LYRM4: variants seen among roughly 807,000 people sequenced by gnomAD.
LYRM4 encodes LYR motif-containing protein 4.
Under a neutral mutation model 11.7 loss-of-function variants are expected in LYRM4, and 9 were observed. The observed-to-expected ratio is 0.77, with a 90% CI of 0.46 to 1.34. LYRM4 has a LOEUF of 1.34. LYRM4 is among the 40% of genes most tolerant of loss of function. The probability of loss-of-function intolerance (pLI) is 0.00; values close to 1 mark genes in which losing one functional copy is unlikely to be tolerated. For missense variants in LYRM4, 133 were observed against 112.5 expected, an observed-to-expected ratio of 1.18 and a Z score of -0.82; for synonymous variants, 42 against 40.4, an observed-to-expected ratio of 1.04 and a Z score of -0.15.
At chr6:5,120,261 T>A (rs193056979) in intron 2 of LYRM4, among the ~76,000 whole-genome samples, 132 of 152,296 alleles carry the variant, frequency 8.7e-4, no homozygotes, top group African/African-American at 3.1e-3. Flanking sequence ...GTGGTTCTCA[T>A]CTCACAAGCT....
At chr6:5,239,593 G>A (rs1763751199) in intron 1 of LYRM4, among the ~76,000 whole-genome samples, 1 of 152,068 alleles carries the variant, frequency 6.6e-6, no homozygotes, top group African/African-American at 2.4e-5. Flanking sequence ...CCGCACGCTA[G>A]GGAAGGAAGA....
At chr6:5,046,075 G>A in the LYRM4 span, among the ~76,000 whole-genome samples, 4 of 152,156 alleles carry the variant, frequency 2.6e-5, no homozygotes, top group African/African-American at 4.8e-5. Flanking sequence ...TCCAGTGTAG[G>A]TTAGGAAATA....
At chr6:5,186,766 T>A in intron 2 of LYRM4, 1 of 745,582 alleles carries the variant, frequency 1.3e-6, no homozygotes, top group South Asian at 2.6e-5. Flanking sequence ...GGTGGATCAC[T>A]TGAGGTCAGG....
At chr6:5,154,774 G>C (rs541191093) in intron 2 of LYRM4, among the ~76,000 whole-genome samples, 12 of 152,146 alleles carry the variant, frequency 7.9e-5, no homozygotes, top group East Asian at 1.9e-4. Context: ...AGCCGGGATC[G>C]CGCCACTGCA....
the LYRM4 span, chr6:5,085,373 C>T: frequency 3.9e-6 from 3 of 760,418 alleles, no homozygotes; most frequent in Admixed American, 8.9e-5. Context: ...CGACTCGCCT[C>T]GGGGAGGGCG....
intron 2 of LYRM4, among the ~76,000 whole-genome samples, chr6:5,174,463 T>C (rs778086591): frequency 5.3e-5 from 8 of 152,084 alleles, no homozygotes; most frequent in Non-Finnish European, 8.8e-5. Context: ...TGCACAATGA[T>C]AGTCTTCACA....
chr6:5,043,963 G>GC, the LYRM4 span, among the ~76,000 whole-genome samples: 1 of 152,122 alleles, frequency 6.6e-6, no homozygotes, highest in Non-Finnish European at 1.5e-5. Flanking sequence ...CTTGTCCACA[G>GC]CCCCCCTCTC....
chr6:5,137,765 C>G (rs1757176894), intron 2 of LYRM4, among the ~76,000 whole-genome samples: 1 of 152,194 alleles, frequency 6.6e-6, no homozygotes, highest in South Asian at 2.1e-4. Context: ...AGACAGGATT[C>G]CTGCTCTTTT....
Position 5,186,011 on chromosome 6 carries a change from A to G in LYRM4, c.207+30607T>C, listed in dbSNP as rs77142385. 2.5e-3 allele frequency among the ~76,000 whole-genome samples: 377 copies of G among 152,262 alleles called. 14 individuals are homozygous for G. The East Asian group carries it at 0.07, about 28-fold the overall frequency. ...CGCTTTGGACAGGTCAAACTGGACA[A>G]AGGCACGCACATGTTTTTGGCATGC... On this transcript the variant is annotated intron_variant, in intron 2 of 2. Transcript: ENST00000330636.
At chr6:5,105,028 C>A (rs186517698), downstream of LYRM4, 1 of 152,124 alleles carries the variant, frequency 6.6e-6, no homozygotes, top group East Asian at 1.9e-4. Flanking sequence ...CAGTTTTGGC[C>A]GTTTGTCTGC....
At chr6:5,259,006 G>C (rs765159974) in intron 1 of LYRM4, among the ~76,000 whole-genome samples, 6 of 152,188 alleles carry the variant, frequency 3.9e-5, no homozygotes, top group Admixed American at 2.0e-4. Flanking sequence ...GAAATGGAAG[G>C]GTCCTTAGAG....
chr6:5,149,268 A>G (rs1216372384), intron 2 of LYRM4, among the ~76,000 whole-genome samples: 1 of 152,230 alleles, frequency 6.6e-6, no homozygotes, highest in Non-Finnish European at 1.5e-5. Flanking sequence ...AAAGCCTGCT[A>G]ACAAAGACGC....
rs539011879 is a variant in LYRM4 at position 5,236,043 on chromosome 6, G to A, written c.87-19305C>T. On this transcript the variant is annotated intron_variant, in intron 1 of 2. Coordinates refer to ENST00000330636, the MANE Select transcript of LYRM4 (RefSeq NM_020408.6). Reference sequence around the variant, plus strand: ...GACCACTCTACAAGAACAAAGTACAGTCAAATATATCTCTTCCTGAGCGCA... The same window carrying A: ...GACCACTCTACAAGAACAAAGTACAATCAAATATATCTCTTCCTGAGCGCA... 1.1e-4 allele frequency among the ~76,000 whole-genome samples: 17 copies of A among 152,320 alleles called. 1 individual carries two copies. In the South Asian group the frequency reaches 3.3e-3, roughly 30 times the overall value.
intron 2 of LYRM4, among the ~76,000 whole-genome samples, chr6:5,148,518 G>T (rs1057191828): frequency 3.7e-5 from 2 of 54,384 alleles, no homozygotes; most frequent in Admixed American, 3.4e-4. Flanking sequence ...AGCTGGGCTG[G>T]GTATACGCCT....
At chr6:5,137,455 C>G (rs188651451) in intron 2 of LYRM4, among the ~76,000 whole-genome samples, 1 of 152,260 alleles carries the variant, frequency 6.6e-6, no homozygotes, top group Admixed American at 6.5e-5. Context: ...AAGCAAAAAC[C>G]AAGCTCCTGG....
chr6:5,123,414 G>A (rs572398265), intron 2 of LYRM4, among the ~76,000 whole-genome samples: 12 of 152,300 alleles, frequency 7.9e-5, no homozygotes, highest in Admixed American at 2.6e-4. Context: ...ACTCACCCCC[G>A]AAGACACTGC....
chr6:5,101,966 TTC>T (rs1762512748), downstream of LYRM4, among the ~76,000 whole-genome samples: 1 of 122,738 alleles, frequency 8.1e-6, no homozygotes, highest in South Asian at 3.5e-4. Flanking sequence ...AACTAATGCT[TTC>T]TTTTTTTTTT....
At chr6:5,092,842 T>C in the LYRM4 span, among the ~76,000 whole-genome samples, 7 of 152,220 alleles carry the variant, frequency 4.6e-5, no homozygotes, top group Non-Finnish European at 8.8e-5. Flanking sequence ...GGCATTTTTT[T>C]AAATTGCATT....
At chr6:5,237,002 A>T (rs1381944210) in intron 1 of LYRM4, among the ~76,000 whole-genome samples, 1 of 152,140 alleles carries the variant, frequency 6.6e-6, no homozygotes, top group Non-Finnish European at 1.5e-5. Context: ...TTTGAATTGC[A>T]GTGGGTTCAA....
Sources: gnomAD v4.1 joint callset for allele counts (sites outside exome capture counted in the v4.1 genomes callset) on GRCh38, gnomAD v4.1.1 for gene constraint, MANE v1.5 for transcripts, NCBI Gene and HGNC (gene_info 2026-07-23, HGNC 2026-07-21) for gene names.